ADGRA2: variants seen among roughly 807,000 people sequenced by gnomAD.
ADGRA2 encodes the protein G-protein coupled receptor 124.
In ADGRA2, 61 loss-of-function variants were observed where a neutral mutation model predicts 98.7. The ratio of observed to expected loss-of-function variants is 0.62; its 90% CI spans 0.50 to 0.76. The LOEUF (loss-of-function observed/expected upper bound fraction) is 0.76, where lower values mean the gene tolerates loss of function less well. Ranked by LOEUF, ADGRA2 falls within the 30% of genes least tolerant of loss-of-function variation. The pLI is 0.00. For missense variants in ADGRA2, 1,712 were observed against 1,860.0 expected (o/e 0.92, Z 1.46); for synonymous variants, 858 against 831.5 (o/e 1.03, Z -0.55).
Position 37,843,399 on chromosome 8 carries a change from C to T in ADGRA2, c.*1044C>T, listed in dbSNP as rs1308146987. The T allele has an allele frequency of 6.6e-6, 1 of 152,212 alleles. No homozygotes were observed. The highest frequency in any genetic ancestry group is 1.5e-5 in the Non-Finnish European group (1 of 68,096). 9.4% of individuals were successfully genotyped at this position (152,212 alleles called of 1,614,324 possible). The stretch of plus-strand genomic sequence containing the variant: ...ACCTACAAAATGTCAAACCAGCTTC[C>T]CGACTCCCAGGAGCTCAAGCCAAGC... On this transcript the variant is annotated 3_prime_UTR_variant, in exon 19 of 19. Transcript: ENST00000412232.
chr8:37,812,501 C>T (rs181221885), intron 1 of ADGRA2, among the ~76,000 whole-genome samples: 2 of 152,072 alleles, frequency 1.3e-5, no homozygotes, highest in East Asian at 2.0e-4. Context: ...GTGGCGGGCA[C>T]CTGTAGTCCC....
rs1804545342 is a variant in ADGRA2, at chr8:37,802,754, T to A, written c.266+5220T>A. Among the ~76,000 whole-genome samples, 2 of 152,184 alleles carry A rather than the reference T, an allele frequency of 1.3e-5. No individual in the cohort carries two copies. The highest frequency in any genetic ancestry group is 4.8e-5 in the African/African-American group (2 of 41,456). On this transcript the variant is annotated intron_variant, in intron 1 of 18. Coordinates refer to ENST00000412232, the MANE Select transcript of ADGRA2 (RefSeq NM_032777.10). The surrounding 1 kb of genome is among the most constrained non-coding windows in gnomAD (Gnocchi z 4.7). ...AAGCCCCTCCCCTGAGAGCTCCCTCTGCTGCAGGATGTTAGAGTCAGGGTC... is the reference window on the plus strand; with the variant it reads ...AAGCCCCTCCCCTGAGAGCTCCCTCAGCTGCAGGATGTTAGAGTCAGGGTC...
At chr8:37,835,878 A>G in intron 13 of ADGRA2, 108 bp downstream of exon 13, 1 of 698,450 alleles carries the variant, frequency 1.4e-6, no homozygotes. Context: ...CCGTAGTGGA[A>G]CTGACACAGG....
chr8:37,825,797 C>T (rs184170949), intron 2 of ADGRA2, among the ~76,000 whole-genome samples: 1 of 152,208 alleles, frequency 6.6e-6, no homozygotes, highest in Non-Finnish European at 1.5e-5. Context: ...CAGGCAGCAT[C>T]GGCTTCCCAT....
At position 37,835,305 on chromosome 8, in the gene ADGRA2, C is replaced by T; in HGVS notation, c.1740C>T (p.Pro580=). The T allele has an allele frequency of 1.4e-5, 23 of 1,613,666 alleles. No homozygotes were observed. The highest frequency in any genetic ancestry group is 1.9e-5 in the Non-Finnish European group (22 of 1,179,956). The change falls in exon 12 of 19, where the codon CCC becomes CCT. Residue 580 remains proline, a synonymous_variant. Coordinates refer to ENST00000412232, the MANE Select transcript of ADGRA2 (RefSeq NM_032777.10). The part of the protein sequence containing the change: ...GTRPGSPGQN[P]PPEPEPPADQ... ...GGCCAGGAAGCCCTGGCCAGAACCC[C>T]CCACCTGAGCCCGAGCCCCCAGCTG...
Position 37,833,103 on chromosome 8 carries a change from C to A in ADGRA2, c.1191C>A (p.Thr397=). Residue 397 remains threonine (T), a synonymous_variant, in exon 9 of 19, where the codon ACC becomes ACA. Coordinates refer to ENST00000412232, the MANE Select transcript of ADGRA2 (RefSeq NM_032777.10). ...CCCTGGGCGGGGGTGCCCCGGGCAC[C>A]CGAGCCTCCCGCCGGTGTGACCGTG... is the stretch of plus-strand genomic sequence containing the variant. ...SVPLGGGAPG[T]RASRRCDRAG... is the part of the protein sequence containing the mutation. The A allele has an allele frequency of 6.2e-7, 1 of 1,611,464 alleles. No individual in the cohort carries two copies. Among genetic ancestry groups the A allele is most frequent in the Non-Finnish European group, 8.5e-7 (1 of 1,179,572 alleles).
Position 37,834,085 on chromosome 8 carries a change from T to A in ADGRA2, c.1565T>A (p.Ile522Asn). 1 of 1,612,528 alleles carries A rather than the reference T, an allele frequency of 6.2e-7. No individual in the cohort carries two copies. The highest frequency in any genetic ancestry group is 8.5e-7 in the Non-Finnish European group (1 of 1,179,862). ...CSRIVGALER[I>N]GGAALSPHAQ... is the part of the protein sequence containing the mutation. Reference sequence around the variant, plus strand: ...CGCATCGTGGGTGCCCTGGAGCGCATTGGGGGGGCCGCCCTCAGCCCCCAT... The same window carrying A: ...CGCATCGTGGGTGCCCTGGAGCGCAATGGGGGGGCCGCCCTCAGCCCCCAT... The change falls in exon 11 of 19, where the codon ATT (isoleucine) becomes AAT (asparagine). Residue 522 changes from isoleucine to asparagine, a missense_variant. Physicochemically the swap from Ile to Asn is moderately radical, Grantham distance 149. Coordinates refer to ENST00000412232, the MANE Select transcript of ADGRA2 (RefSeq NM_032777.10). The surrounding 1 kb of genome is among the most constrained non-coding windows in gnomAD (Gnocchi z 4.2).
chr8:37,835,214 C>G lies in ADGRA2; in HGVS notation c.1649C>G (p.Pro550Arg), dbSNP rs1219003612. The G allele has an allele frequency of 6.2e-7, 1 of 1,613,850 alleles. No individual in the cohort carries two copies. Among genetic ancestry groups the G allele is most frequent in the Non-Finnish European group, 8.5e-7 (1 of 1,179,966 alleles). Residue 550 changes from proline to arginine, a missense_variant, in exon 12 of 19, where the codon CCG becomes CGG. Pro to Arg is a moderately radical substitution (Grantham distance 103). Coordinates refer to ENST00000412232, the MANE Select transcript of ADGRA2 (RefSeq NM_032777.10). ...GCATTGGAGGCCTACCTCATCAAGC[C>G]GCACAGCTACGTGGGCCTGACCTGC... ...NVALEAYLIK[P>R]HSYVGLTCTA...
intron 1 of ADGRA2, among the ~76,000 whole-genome samples, chr8:37,811,748 T>C (rs1804838960): frequency 6.6e-6 from 1 of 150,420 alleles, no homozygotes; most frequent in Non-Finnish European, 1.5e-5. Context: ...AGTTCTGGGA[T>C]TATAGGTGTG....
In ADGRA2 at chr8:37,834,002, G is replaced by C. The variant is rs768812340; in HGVS notation, c.1482G>C (p.Leu494=). 1 of 1,613,060 alleles carries C rather than the reference G, an allele frequency of 6.2e-7. No individual in the cohort carries two copies. The highest frequency in any genetic ancestry group is 8.5e-7 in the Non-Finnish European group (1 of 1,179,952). The change falls in exon 11 of 19, where the codon CTG becomes CTC. Residue 494 remains leucine (L), a synonymous_variant. Coordinates refer to ENST00000412232, the MANE Select transcript of ADGRA2 (RefSeq NM_032777.10). This position sits in a 1 kb window ranked among gnomAD's most constrained non-coding sequence, Gnocchi z 4.2. Reference sequence around the variant, plus strand: ...TGATGGTGGACATGGCCAGCAACCTGATGCTGGTGGACGAGCACCTGCTGT... The same window carrying C: ...TGATGGTGGACATGGCCAGCAACCTCATGCTGGTGGACGAGCACCTGCTGT... ...VEVMVDMASN[L]MLVDEHLLWL...
rs762301019 is a variant in ADGRA2, at chr8:37,835,559, C to T, written c.1839C>T (p.Ser613=). 1.1e-5 allele frequency: 18 copies of T among 1,609,032 alleles called. No homozygotes were observed. Among genetic ancestry groups the T allele is most frequent in the South Asian group, 1.1e-5 (1 of 90,976 alleles). ...GAGCTCCTATGTCCCCCCAGAACAG[C>T]GTGGCCCTGGCCTCCATCCAGCTGC... ...VSLSSFHIKN[S]VALASIQLPP... The change falls in exon 13 of 19, where the codon AGC becomes AGT. Residue 613 remains serine (S), a synonymous_variant. Transcript: ENST00000412232.
chr8:37,831,017 T>C (rs1033506957), intron 7 of ADGRA2, 94 bp downstream of exon 7: 3 of 862,874 alleles, frequency 3.5e-6, no homozygotes, highest in Non-Finnish European at 5.5e-6. Flanking sequence ...CCCCCAGATG[T>C]GTTCCCGGGA....
chr8:37,843,757 T>G lies in ADGRA2; in HGVS notation c.*1402T>G, dbSNP rs1292260566. 1.3e-5 allele frequency: 2 copies of G among 152,506 alleles called. No homozygotes were observed. Among genetic ancestry groups the G allele is most frequent in the African/African-American group, 4.8e-5 (2 of 41,392 alleles). The allele number at this position is 152,506 out of a possible 1,614,324, so 9.4% of individuals were successfully genotyped here. A position where few individuals can be genotyped will look rare whatever the true frequency, so the allele number is the denominator to read the frequency against. On this transcript the variant is annotated 3_prime_UTR_variant, in exon 19 of 19. Coordinates refer to ENST00000412232, the MANE Select transcript of ADGRA2 (RefSeq NM_032777.10). ...CATATTAGAAGAAAAAAAAAAGCTT[T>G]GTATTATTCTTCCACATATGCTGGC... is the stretch of plus-strand genomic sequence containing the variant.
chr8:37,824,853 T>G (rs1171101554), intron 2 of ADGRA2, among the ~76,000 whole-genome samples: 1 of 152,214 alleles, frequency 6.6e-6, no homozygotes, highest in Non-Finnish European at 1.5e-5. Flanking sequence ...CTTTGTTTCC[T>G]ATTTCACCCC....
At chr8:37,806,821 C>A (rs184299982) in intron 1 of ADGRA2, among the ~76,000 whole-genome samples, 35 of 152,172 alleles carry the variant, frequency 2.3e-4, no homozygotes, top group African/African-American at 8.2e-4. Flanking sequence ...TGAGCCACTG[C>A]GCCCGGCATG....
intron 1 of ADGRA2, among the ~76,000 whole-genome samples, chr8:37,801,765 C>T (rs757256262): frequency 2.6e-5 from 4 of 152,308 alleles, no homozygotes; most frequent in Admixed American, 1.3e-4. Context: ...GTCACACAGT[C>T]GGCTGGGGCT....
rs148423972 is a variant in ADGRA2 at position 37,840,217 on chromosome 8, C to A, written c.2608C>A (p.Pro870Thr). 566 of 1,612,984 alleles carry A rather than the reference C, an allele frequency of 3.5e-4. No individual in the cohort carries two copies. Among genetic ancestry groups the A allele is most frequent in the Non-Finnish European group, 4.6e-4 (539 of 1,179,928 alleles). Residue 870 changes from proline (P) to threonine (T), a missense_variant, in exon 17 of 19, where the codon CCT becomes ACT. Transcript: ENST00000412232. ...TAAGGAGCTCACCTGGAGGGCACCC[C>A]CTCCGCAAGAAGGGGACCCCGCTCT... The part of the protein sequence containing the change: ...LHKELTWRAP[P>T]PQEGDPALPT...
chr8:37,841,348 G>A lies in ADGRA2; in HGVS notation c.3010G>A (p.Gly1004Arg). ...TGGGAGCGCGCGAGTGGGGACGCCC[G>A]GGCCCCCGGAGGATGGTGACAGCCT... ...ATGSARVGTP[G>R]PPEDGDSLYS... is the part of the protein sequence containing the mutation. The change falls in exon 19 of 19, where the codon GGG becomes AGG. Residue 1004 changes from glycine to arginine, a missense_variant. Coordinates refer to ENST00000412232, the MANE Select transcript of ADGRA2 (RefSeq NM_032777.10). The surrounding 1 kb of genome is among the most constrained non-coding windows in gnomAD (Gnocchi z 5.0). 2 of 1,605,772 alleles carry A rather than the reference G, an allele frequency of 1.2e-6. No homozygotes were observed. The highest frequency in any genetic ancestry group is 1.3e-5 in the African/African-American group (1 of 74,928).
chr8:37,800,085 G>A (rs117011158), intron 1 of ADGRA2, among the ~76,000 whole-genome samples: 1 of 152,294 alleles, frequency 6.6e-6, no homozygotes, highest in Non-Finnish European at 1.5e-5. Context: ...CTGTGTAGGG[G>A]CTGAAAGGGG....
Sources: gnomAD v4.1 joint callset for allele counts (sites outside exome capture counted in the v4.1 genomes callset) on GRCh38, gnomAD v4.1.1 for gene constraint, Gnocchi (gnomAD v3.1) non-coding constraint, MANE v1.5 for transcripts, NCBI Gene and HGNC (gene_info 2026-07-23, HGNC 2026-07-21) for gene names.